PPARGC1A: variants seen among roughly 807,000 people sequenced by gnomAD.
PPARGC1A encodes the protein peroxisome proliferator-activated receptor gamma coactivator 1-alpha.
In PPARGC1A, 25 loss-of-function variants were observed where a neutral mutation model predicts 88.7. That is an observed-to-expected ratio of 0.28 (90% CI 0.21 to 0.39). The LOEUF (loss-of-function observed/expected upper bound fraction) is 0.39, where lower values mean the gene tolerates loss of function less well. PPARGC1A is among the 10% of genes least tolerant of loss of function. PPARGC1A has a pLI of 1.00. For missense variants in PPARGC1A, 880 were observed against 968.7 expected (o/e 0.91, Z 1.22); for synonymous variants, 363 against 355.6 (o/e 1.02, Z -0.24).
the PPARGC1A span, among the ~76,000 whole-genome samples, chr4:23,937,447 C>T: frequency 1.3e-4 from 19 of 151,832 alleles, no homozygotes; most frequent in African/African-American, 4.4e-4. Context: ...GGATCAACCC[C>T]AAAAGTGCCT....
chr4:24,017,569 AAG>A, the PPARGC1A span, among the ~76,000 whole-genome samples: 8 of 152,126 alleles, frequency 5.3e-5, no homozygotes, highest in African/African-American at 1.9e-4. Flanking sequence ...GCAGCAAGGA[AAG>A]AGAGAAATTA....
the PPARGC1A span, among the ~76,000 whole-genome samples, chr4:24,322,367 GAGA>G: frequency 1.3e-5 from 2 of 152,232 alleles, no homozygotes; most frequent in Non-Finnish European, 2.9e-5. Flanking sequence ...CGCTACAATG[GAGA>G]AGCAGAAAAT....
chr4:24,303,864 A>C, the PPARGC1A span, among the ~76,000 whole-genome samples: 1 of 152,244 alleles, frequency 6.6e-6, no homozygotes, highest in South Asian at 2.1e-4. Flanking sequence ...TGGTTTAACT[A>C]AACTCTGTAT....
At chr4:24,343,017 T>C in the PPARGC1A span, among the ~76,000 whole-genome samples, 2 of 152,188 alleles carry the variant, frequency 1.3e-5, no homozygotes, top group Non-Finnish European at 2.9e-5. Context: ...AGTTTCAAAC[T>C]AAGCTCTGAA....
intron 2 of PPARGC1A, among the ~76,000 whole-genome samples, chr4:23,842,907 T>G (rs974636342): frequency 1.3e-5 from 2 of 152,156 alleles, no homozygotes; most frequent in African/African-American, 4.8e-5. Context: ...CTCTAACACA[T>G]GTGATTCTAG....
the PPARGC1A span, among the ~76,000 whole-genome samples, chr4:24,450,872 C>T: frequency 2.0e-5 from 3 of 152,188 alleles, no homozygotes; most frequent in Non-Finnish European, 4.4e-5. Flanking sequence ...ACCTCTCTGC[C>T]TCTTGTTGTC....
the PPARGC1A span, among the ~76,000 whole-genome samples, chr4:24,167,742 T>G: frequency 1.3e-5 from 2 of 152,086 alleles, no homozygotes; most frequent in Non-Finnish European, 2.9e-5. Context: ...GAAAGATTTT[T>G]TTCTGTTTGT....
chr4:24,412,755 C>T, the PPARGC1A span, among the ~76,000 whole-genome samples: 1 of 152,228 alleles, frequency 6.6e-6, no homozygotes, highest in South Asian at 2.1e-4. Context: ...GTTGGGATTA[C>T]AGGGCCTGAG....
chr4:24,231,742 T>C, the PPARGC1A span, among the ~76,000 whole-genome samples: 1 of 152,150 alleles, frequency 6.6e-6, no homozygotes, highest in East Asian at 1.9e-4. Flanking sequence ...ATGTGCTTTT[T>C]TTTTTCTTCC....
chr4:24,358,547 T>C, the PPARGC1A span, among the ~76,000 whole-genome samples: 15 of 152,242 alleles, frequency 9.9e-5, no homozygotes, highest in Non-Finnish European at 1.9e-4. Flanking sequence ...TCAGTATCAC[T>C]TCTACCCAAT....
At chr4:24,017,615 ACTT>A in the PPARGC1A span, among the ~76,000 whole-genome samples, 2 of 152,146 alleles carry the variant, frequency 1.3e-5, no homozygotes, top group African/African-American at 4.8e-5. Flanking sequence ...AAGTAAATAT[ACTT>A]CTTCTAAATT....
chr4:24,065,376 T>C, the PPARGC1A span, among the ~76,000 whole-genome samples: 1 of 152,164 alleles, frequency 6.6e-6, no homozygotes, highest in Admixed American at 6.5e-5. Context: ...CCTGACATAA[T>C]GATCGTTAGG....
the PPARGC1A span, among the ~76,000 whole-genome samples, chr4:24,207,745 G>A: frequency 6.6e-6 from 1 of 151,998 alleles, no homozygotes; most frequent in Non-Finnish European, 1.5e-5. Flanking sequence ...GTTTTTTTCT[G>A]TAAAGCCACA....
rs867454398 is a variant in PPARGC1A at position 23,829,561 on chromosome 4, C to T, written c.454G>A (p.Ala152Thr). The T allele has an allele frequency of 6.2e-7, 1 of 1,612,600 alleles. No homozygotes were observed. Among genetic ancestry groups the T allele is most frequent in the Non-Finnish European group, 8.5e-7 (1 of 1,178,982 alleles). Residue 152 changes from alanine to threonine, a missense_variant, in exon 4 of 13, where the codon GCC (alanine) becomes ACC (threonine). Physicochemically the swap from Ala to Thr is moderately conservative, Grantham distance 58. Transcript: ENST00000264867. ...TCATTATAACTTAGCTGAGTGTTGGCTGGTGCCAGTAAGAGCTTCTTAAGC... is the reference window on the plus strand; with the variant it reads ...TCATTATAACTTAGCTGAGTGTTGGTTGGTGCCAGTAAGAGCTTCTTAAGC... The part of the protein sequence containing the change: ...SLLKKLLLAP[A>T]NTQLSYNECS...
At chr4:24,229,487 G>C in the PPARGC1A span, among the ~76,000 whole-genome samples, 1 of 151,170 alleles carries the variant, frequency 6.6e-6, no homozygotes, top group Admixed American at 6.6e-5. Flanking sequence ...TAATTCTATC[G>C]TTCAGCCTGG....
intron 2 of PPARGC1A, among the ~76,000 whole-genome samples, chr4:23,843,962 A>G (rs1209892563): frequency 1.3e-5 from 2 of 151,922 alleles, no homozygotes; most frequent in Non-Finnish European, 2.9e-5. Flanking sequence ...ATTTTTACAC[A>G]TACATATTAC....
the PPARGC1A span, among the ~76,000 whole-genome samples, chr4:24,007,815 G>A: frequency 1.3e-5 from 2 of 152,090 alleles, no homozygotes; most frequent in South Asian, 2.1e-4. Flanking sequence ...GATGCTAGGC[G>A]GGTTCCTTGG....
At chr4:23,933,750 G>A in the PPARGC1A span, among the ~76,000 whole-genome samples, 5 of 152,172 alleles carry the variant, frequency 3.3e-5, no homozygotes, top group African/African-American at 1.2e-4. Context: ...CTTTTATATA[G>A]AGTTCTTTGG....
the PPARGC1A span, among the ~76,000 whole-genome samples, chr4:24,177,882 T>C: frequency 2.0e-5 from 3 of 152,098 alleles, no homozygotes; most frequent in African/African-American, 7.2e-5. Flanking sequence ...ATGGAATGAG[T>C]GAGCCACTAC....
Sources: allele counts gnomAD v4.1 joint callset (sites outside exome capture counted in the v4.1 genomes callset), GRCh38; gene constraint gnomAD v4.1.1; transcripts MANE v1.5; gene names NCBI Gene and HGNC (gene_info 2026-07-23, HGNC 2026-07-21).